Variants in OXNAD1 observed in about 807,000 individuals in gnomAD.
OXNAD1 encodes oxidoreductase NAD-binding domain-containing protein 1.
Under a neutral mutation model 32.9 loss-of-function variants are expected in OXNAD1, and 34 were observed. That is an observed-to-expected ratio of 1.03 (90% CI 0.79 to 1.38). The LOEUF (loss-of-function observed/expected upper bound fraction) is 1.38, where lower values mean the gene tolerates loss of function less well. OXNAD1 is among the 40% of genes most tolerant of loss of function. The pLI is 0.00. For missense variants in OXNAD1, 407 were observed against 379.4 expected (o/e 1.07, Z -0.60); for synonymous variants, 134 against 135.2 (o/e 0.99, Z 0.06).
Position 16,324,618 on chromosome 3 carries a change from C to G in OXNAD1, c.*31-12494C>G, listed in dbSNP as rs568594583. ...TAAATAACAGAATGTCCCTGACCCC[C>G]CCCCTTTTAAGGTTGCATAGTATTC... On this transcript the variant is annotated intron_variant, in intron 9 of 9. Coordinates refer to the OXNAD1 transcript ENST00000435829. Among the ~76,000 whole-genome samples the G allele has an allele frequency of 3.3e-4, 47 of 144,124 alleles. 3 individuals carry two copies. Among genetic ancestry groups the G allele is most frequent in the South Asian group, 6.7e-4 (3 of 4,450 alleles). The allele number at this position is 144,124 out of a possible 152,430, so 94.6% of individuals were successfully genotyped here. A position where few individuals can be genotyped will look rare whatever the true frequency, so the allele number is the denominator to read the frequency against.
Position 16,284,313 on chromosome 3 carries a change from A to C in OXNAD1, c.184-2029A>C, listed in dbSNP as rs2065937912. On this transcript the variant is annotated intron_variant, in intron 4 of 8. Coordinates refer to ENST00000285083, the MANE Select transcript of OXNAD1 (RefSeq NM_138381.5). This position sits in a 1 kb window ranked among gnomAD's most constrained non-coding sequence, Gnocchi z 4.1. ...AATTTTAATTAAGACAATGAAATACAGTCATGTGTTGCCTGCTGACGGGGA... is the reference window on the plus strand; with the variant it reads ...AATTTTAATTAAGACAATGAAATACCGTCATGTGTTGCCTGCTGACGGGGA... 6.6e-6 allele frequency among the ~76,000 whole-genome samples: 1 copy of C among 152,236 alleles called. No individual in the cohort carries two copies. The highest frequency in any genetic ancestry group is 1.5e-5 in the Non-Finnish European group (1 of 68,030).
intron 2 of OXNAD1, among the ~76,000 whole-genome samples, chr3:16,269,753 A>C: frequency 6.6e-6 from 1 of 152,230 alleles, no homozygotes; most frequent in African/African-American, 2.4e-5. Context: ...GTAAACACTT[A>C]GCTTGAATAT....
chr3:16,324,646 TTG>T (rs71632869), intron 9 of OXNAD1, among the ~76,000 whole-genome samples: 30,913 of 100,268 alleles, frequency 0.31, 4,295 homozygotes, highest in South Asian at 0.44. Context: ...TAGTATTCCA[TTG>T]TGTGTGTGTG....
intron 4 of OXNAD1, among the ~76,000 whole-genome samples, chr3:16,282,528 C>T (rs1041447540): frequency 1.3e-5 from 2 of 152,058 alleles, no homozygotes; most frequent in Non-Finnish European, 2.9e-5. Context: ...CTTATACATG[C>T]TGAATATGGT....
Position 16,312,036 on chromosome 3 carries a change from C to T in OXNAD1, c.*30+8444C>T, listed in dbSNP as rs1396651407. ...GCTGGAGGGACATGCCGCTGTTGTG[C>T]AAGGGCTGGGGAAGCAAGCACCAGC... On this transcript the variant is annotated intron_variant, in intron 9 of 9. Transcript: ENST00000435829. This position sits in a 1 kb window ranked among gnomAD's most constrained non-coding sequence, Gnocchi z 4.7. 6.6e-6 allele frequency among the ~76,000 whole-genome samples: 1 copy of T among 152,184 alleles called. No homozygotes were observed. The highest frequency in any genetic ancestry group is 1.5e-5 in the Non-Finnish European group (1 of 68,038).
At chr3:16,339,427 C>G (rs2071159269), downstream of OXNAD1, 1 of 152,216 alleles carries the variant, frequency 6.6e-6, no homozygotes, top group South Asian at 2.1e-4. Flanking sequence ...CTTCAGGACA[C>G]ATCAGACATC....
Position 16,345,829 on chromosome 3 carries a change from T to TGTGTGTGTGTGTGTGTGTGC in OXNAD1, c.*31-3346_*31-3345insTGTGTGTGTGTGTGTGTGCG, listed in dbSNP as rs758493435. On this transcript the variant is annotated intron_variant, in intron 9 of 9. Coordinates refer to the OXNAD1 transcript ENST00000606098. This position sits in a 1 kb window ranked among gnomAD's most constrained non-coding sequence, Gnocchi z 5.2. The stretch of plus-strand genomic sequence containing the variant: ...GTGTGTGTGTGTGTGCGCGCGCGCG[T>TGTGTGTGTGTGTGTGTGTGC]GCGCGCACGCGCACATGTGCATGTG... Among the ~76,000 whole-genome samples, 2 of 69,826 alleles carry TGTGTGTGTGTGTGTGTGTGC rather than the reference T, an allele frequency of 2.9e-5. No homozygotes were observed. The highest frequency in any genetic ancestry group is 1.1e-4 in the African/African-American group (2 of 18,858). The allele number at this position is 69,826 out of a possible 152,430, so 45.8% of individuals were successfully genotyped here.
chr3:16,307,800 A>AT (rs770878759), downstream of OXNAD1, among the ~76,000 whole-genome samples: 4 of 152,094 alleles, frequency 2.6e-5, no homozygotes, highest in African/African-American at 4.8e-5. Context: ...GGGTTCCTCT[A>AT]TATCCTTCAT....
At position 16,335,990 on chromosome 3, in the gene OXNAD1, G is replaced by C. The variant is rs1034539867; in HGVS notation, c.*31-1122G>C. 2.2e-4 allele frequency among the ~76,000 whole-genome samples: 33 copies of C among 152,180 alleles called. No individual in the cohort carries two copies. The highest frequency in any genetic ancestry group is 7.7e-4 in the African/African-American group (32 of 41,460). ...CTGGCGCCTTCTCAGGGCTGCCTGG[G>C]CCCTGCTCAGCACACGCTGGCTATA... On this transcript the variant is annotated intron_variant, in intron 9 of 9. Transcript: ENST00000435829. The surrounding 1 kb of genome is among the most constrained non-coding windows in gnomAD (Gnocchi z 4.7).
chr3:16,332,199 C>T (rs987692254), intron 9 of OXNAD1, among the ~76,000 whole-genome samples: 1 of 151,696 alleles, frequency 6.6e-6, no homozygotes, highest in Non-Finnish European at 1.5e-5. Context: ...TAAGTTTTCT[C>T]CCCTCCCTTT....
At chr3:16,308,875 A>T (rs771142967), downstream of OXNAD1, among the ~76,000 whole-genome samples, 26 of 152,200 alleles carry the variant, frequency 1.7e-4, no homozygotes, top group Non-Finnish European at 3.1e-4. This position sits in a 1 kb window ranked among gnomAD's most constrained non-coding sequence, Gnocchi z 4.4. Flanking sequence ...ACAAGATTTT[A>T]TCTCTTCCTT....
rs1491581919 is a variant in OXNAD1, at chr3:16,345,264, T to TTTGTGTGTGTGTGTGTGTGTGTGTG, written c.*31-3911_*31-3910insTGTGTGTGTGTGTGTGTGTGTGTGT. 6.1e-4 allele frequency: 89 copies of TTTGTGTGTGTGTGTGTGTGTGTGTG among 145,930 alleles called. 1 individual carries two copies. The highest frequency in any genetic ancestry group is 2.1e-3 in the African/African-American group (78 of 37,852). The allele number at this position is 145,930 out of a possible 1,614,324, so 9.0% of individuals were successfully genotyped here. On this transcript the variant is annotated intron_variant, in intron 9 of 9. Coordinates refer to the OXNAD1 transcript ENST00000606098. This position sits in a 1 kb window ranked among gnomAD's most constrained non-coding sequence, Gnocchi z 5.2. ...AAACTGTAAGATAATAAGTAGGTGG[T>TTTGTGTGTGTGTGTGTGTGTGTGTG]TGTGTGTGTGTGTGTGTGTGTGTGT...
At chr3:16,337,656 C>T (rs756908335), downstream of OXNAD1, among the ~76,000 whole-genome samples, 12 of 150,812 alleles carry the variant, frequency 8.0e-5, no homozygotes, top group African/African-American at 2.7e-4. This position sits in a 1 kb window ranked among gnomAD's most constrained non-coding sequence, Gnocchi z 5.0. Flanking sequence ...GCAGGAGAAT[C>T]GCTTGAACCC....
chr3:16,303,317 A>G lies in OXNAD1; in HGVS notation c.785-91A>G. The G allele has an allele frequency of 7.0e-7, 1 of 1,435,940 alleles. No homozygotes were observed. The highest frequency in any genetic ancestry group is 1.4e-5 in the African/African-American group (1 of 70,392). The allele number at this position is 1,435,940 out of a possible 1,614,324, so 88.9% of individuals were successfully genotyped here. A position where few individuals can be genotyped will look rare whatever the true frequency, so the allele number is the denominator to read the frequency against. ...GACTAGACTCACTGAACTTGGAAATAAACACTGTATCTGAATTGTGGTTAG... is the reference window on the plus strand; with the variant it reads ...GACTAGACTCACTGAACTTGGAAATGAACACTGTATCTGAATTGTGGTTAG... On this transcript the variant is annotated intron_variant, in intron 8 of 8. Coordinates refer to ENST00000285083, the MANE Select transcript of OXNAD1 (RefSeq NM_138381.5). The surrounding 1 kb of genome is among the most constrained non-coding windows in gnomAD (Gnocchi z 4.8).
chr3:16,266,602 C>CAAAAAA (rs77883979), intron 1 of OXNAD1, among the ~76,000 whole-genome samples: 7 of 73,072 alleles, frequency 9.6e-5, no homozygotes, highest in East Asian at 4.4e-4. Flanking sequence ...GACGCTGTCT[C>CAAAAAA]AAAAAAAAAA....
rs1402861420 is a variant in OXNAD1 at position 16,284,757 on chromosome 3, G to T, written c.184-1585G>T. On this transcript the variant is annotated intron_variant, in intron 4 of 8. Coordinates refer to ENST00000285083, the MANE Select transcript of OXNAD1 (RefSeq NM_138381.5). The surrounding 1 kb of genome is among the most constrained non-coding windows in gnomAD (Gnocchi z 4.1). Reference sequence around the variant, plus strand: ...TTATTCTCATTTTATAGCTGAGGAGGGCTAGGTAACTTGCCCAGAGTCACA... The same window carrying T: ...TTATTCTCATTTTATAGCTGAGGAGTGCTAGGTAACTTGCCCAGAGTCACA... Among the ~76,000 whole-genome samples, 1 of 152,206 alleles carries T rather than the reference G, an allele frequency of 6.6e-6. No homozygotes were observed. Among genetic ancestry groups the T allele is most frequent in the Non-Finnish European group, 1.5e-5 (1 of 68,042 alleles).
chr3:16,302,577 G>T lies in OXNAD1; in HGVS notation c.676-63G>T. ...TGGGAGTTGAGGTTCAGCGTCAATG[G>T]TTGTGCACATCTGTTTTGATTTTTT... On this transcript the variant is annotated intron_variant, in intron 7 of 8. Transcript: ENST00000285083. The surrounding 1 kb of genome is among the most constrained non-coding windows in gnomAD (Gnocchi z 4.2). 1 of 1,110,992 alleles carries T rather than the reference G, an allele frequency of 9.0e-7. No homozygotes were observed. The allele number at this position is 1,110,992 out of a possible 1,614,324, so 68.8% of individuals were successfully genotyped here. A position where few individuals can be genotyped will look rare whatever the true frequency, so the allele number is the denominator to read the frequency against.
intron 4 of OXNAD1, among the ~76,000 whole-genome samples, chr3:16,285,123 G>A (rs553644478): frequency 4.6e-5 from 7 of 152,146 alleles, no homozygotes; most frequent in Admixed American, 1.3e-4. Context: ...AGAAAGAAAG[G>A]TTAGGTATTT....
At chr3:16,295,963 G>A (rs1212880783) in intron 6 of OXNAD1, among the ~76,000 whole-genome samples, 1 of 152,216 alleles carries the variant, frequency 6.6e-6, no homozygotes, top group Non-Finnish European at 1.5e-5. Context: ...ATGGAAATAA[G>A]TAGAGGAGAG....
Sources: allele counts gnomAD v4.1 joint callset (sites outside exome capture counted in the v4.1 genomes callset), GRCh38; gene constraint gnomAD v4.1.1; non-coding constraint Gnocchi (gnomAD v3.1); transcripts MANE v1.5; gene names NCBI Gene and HGNC (gene_info 2026-07-23, HGNC 2026-07-21).